The following MYT1L variants were observed in gnomAD, a reference collection of about 807,000 sequenced individuals.
The protein encoded by MYT1L is myelin transcription factor 1 like, also known as myelin transcription factor 1-like protein.
MYT1L carries 12 observed loss-of-function variants against 126.7 expected under a neutral mutation model. That is an observed-to-expected ratio of 0.09 (90% CI 0.06 to 0.15). The LOEUF (loss-of-function observed/expected upper bound fraction) is 0.15. Among genes scored for constraint, MYT1L ranks in the 10% least tolerant of loss-of-function variants. MYT1L has a pLI of 1.00. For synonymous variants in MYT1L, 541 were observed against 604.2 expected, an observed-to-expected ratio of 0.90 and a Z score of 1.53; for missense variants, 979 against 1,585.2, an observed-to-expected ratio of 0.62 and a Z score of 6.49.
intron 2 of MYT1L, among the ~76,000 whole-genome samples, chr2:2,209,095 A>G (rs145278654): frequency 5.3e-5 from 8 of 152,266 alleles, no homozygotes; most frequent in African/African-American, 1.9e-4. Context: ...GCTTTTTAAA[A>G]CATTTTGTGT....
At chr2:2,152,022 C>CTCCA (rs1315562534) in intron 3 of MYT1L, among the ~76,000 whole-genome samples, 1 of 152,224 alleles carries the variant, frequency 6.6e-6, no homozygotes, top group East Asian at 1.9e-4. Context: ...CGCCACCACA[C>CTCCA]TCCAGCCTGG....
intron 21 of MYT1L, among the ~76,000 whole-genome samples, chr2:1,830,586 T>C (rs545925543): frequency 5.5e-4 from 73 of 132,066 alleles, no homozygotes; most frequent in Non-Finnish European, 8.7e-4. Flanking sequence ...TCTCGGCACC[T>C]GGAAGGGCTC....
intron 4 of MYT1L, among the ~76,000 whole-genome samples, chr2:2,023,244 A>G (rs113817982): frequency 0.038 from 5,717 of 152,268 alleles, 148 homozygotes; most frequent in Non-Finnish European, 0.05. Flanking sequence ...ACCGAATCCT[A>G]GACACCAGCT....
intron 4 of MYT1L, among the ~76,000 whole-genome samples, chr2:2,025,796 C>T (rs1363977025): frequency 1.3e-5 from 2 of 152,210 alleles, no homozygotes; most frequent in African/African-American, 4.8e-5. Flanking sequence ...CTGTCACCCC[C>T]AGCTCCCAAA....
At chr2:2,012,084 G>T (rs1295833266) in intron 4 of MYT1L, among the ~76,000 whole-genome samples, 1 of 152,200 alleles carries the variant, frequency 6.6e-6, no homozygotes. Flanking sequence ...CATTCCTAAA[G>T]AAGCATTAAG....
intron 1 of MYT1L, among the ~76,000 whole-genome samples, chr2:2,285,631 C>A (rs1026909049): frequency 6.6e-6 from 1 of 152,194 alleles, no homozygotes; most frequent in African/African-American, 2.4e-5. Context: ...AGAAGCCACA[C>A]TTTCTATTTT....
chr2:2,295,663 CAGAGAGAGAGAGAGAGACAGACAGAGAG>C (rs2095670559), intron 1 of MYT1L, among the ~76,000 whole-genome samples: 2 of 32,188 alleles, frequency 6.2e-5, no homozygotes, highest in Non-Finnish European at 5.9e-5. Context: ...GACAGACAGA[CAGAGAGAGAGAGAGAGACAGACAGAGAG>C]AGAGAGAGAG....
chr2:1,846,491 G>C (rs2042509188), intron 19 of MYT1L, among the ~76,000 whole-genome samples: 1 of 152,144 alleles, frequency 6.6e-6, no homozygotes, highest in South Asian at 2.1e-4. Flanking sequence ...TGTGTTCTCT[G>C]GGGGAGGGAA....
chr2:2,140,806 T>TA (rs1258684203), intron 3 of MYT1L, among the ~76,000 whole-genome samples: 9 of 152,176 alleles, frequency 5.9e-5, no homozygotes, highest in African/African-American at 2.2e-4. Flanking sequence ...TGACCTCAGG[T>TA]GATCCACTTG....
chr2:1,979,358 A>G lies in MYT1L; in HGVS notation c.90-131T>C. On this transcript the variant is annotated intron_variant, in intron 7 of 24. Transcript: ENST00000647738. This position sits in a 1 kb window ranked among gnomAD's most constrained non-coding sequence, Gnocchi z 4.0. ...ATCACACAATCCAAAGGAGGGGGAAATTCGGGGAGGCTTTTTACGAGCAAG... is the reference window on the plus strand; with the variant it reads ...ATCACACAATCCAAAGGAGGGGGAAGTTCGGGGAGGCTTTTTACGAGCAAG... 9.1e-7 allele frequency: 1 copy of G among 1,100,886 alleles called. No individual in the cohort carries two copies. 68.2% of individuals were successfully genotyped at this position (1,100,886 alleles called of 1,614,324 possible).
At chr2:1,809,210 G>A in intron 21 of MYT1L, 43 bp from the exon 22 acceptor site, 3 of 1,576,078 alleles carry the variant, frequency 1.9e-6, no homozygotes, top group Non-Finnish European at 2.6e-6. Flanking sequence ...ACTGTCTAAT[G>A]TCCCAGCCCT....
At chr2:2,006,307 A>G (rs937164990) in intron 4 of MYT1L, among the ~76,000 whole-genome samples, 1 of 152,234 alleles carries the variant, frequency 6.6e-6, no homozygotes, top group Non-Finnish European at 1.5e-5. Flanking sequence ...ATACACATAC[A>G]TCGTAGAATG....
chr2:1,897,111 G>C (rs2049696152), intron 14 of MYT1L, among the ~76,000 whole-genome samples: 2 of 152,132 alleles, frequency 1.3e-5, no homozygotes, highest in South Asian at 4.1e-4. Flanking sequence ...ACTTTCACAT[G>C]CATCCTTTAC....
At chr2:2,250,098 T>G (rs1238130505) in intron 2 of MYT1L, among the ~76,000 whole-genome samples, 1 of 152,154 alleles carries the variant, frequency 6.6e-6, no homozygotes, top group African/African-American at 2.4e-5. Flanking sequence ...ACAACCACTA[T>G]AGAGAACAGT....
At chr2:1,805,124 G>A (rs910301171) in intron 22 of MYT1L, among the ~76,000 whole-genome samples, 1 of 152,076 alleles carries the variant, frequency 6.6e-6, no homozygotes, top group Non-Finnish European at 1.5e-5. Context: ...ATCACTCCAC[G>A]GATAAAGAAA....
chr2:1,876,926 G>A (rs544392075), intron 18 of MYT1L, among the ~76,000 whole-genome samples: 7 of 152,336 alleles, frequency 4.6e-5, no homozygotes, highest in South Asian at 2.1e-4. Flanking sequence ...AGGGGAGGAC[G>A]CAGACATGGC....
At chr2:1,809,043 C>T (rs757793671) in intron 22 of MYT1L, 33 bp downstream of exon 22, 1 of 1,605,730 alleles carries the variant, frequency 6.2e-7, no homozygotes, top group South Asian at 1.1e-5. Context: ...CCTTCCTGAC[C>T]ATGGGTGCCA....
intron 4 of MYT1L, among the ~76,000 whole-genome samples, chr2:2,004,637 G>T (rs1307243380): frequency 6.7e-6 from 1 of 148,692 alleles, no homozygotes; most frequent in African/African-American, 2.5e-5. Context: ...CTTCTTTCCT[G>T]CAGGCATTCT....
chr2:2,238,854 C>T (rs1185059805), intron 2 of MYT1L, among the ~76,000 whole-genome samples: 3 of 152,222 alleles, frequency 2.0e-5, no homozygotes, highest in Non-Finnish European at 4.4e-5. Flanking sequence ...TAGCTGTACA[C>T]GTCCCAGTCT....
Sources: gnomAD v4.1 joint callset for allele counts (sites outside exome capture counted in the v4.1 genomes callset) on GRCh38, gnomAD v4.1.1 for gene constraint, Gnocchi (gnomAD v3.1) non-coding constraint, MANE v1.5 for transcripts, NCBI Gene and HGNC (gene_info 2026-07-23, HGNC 2026-07-21) for gene names.